Variants in PHC3 observed in about 807,000 individuals in gnomAD.
PHC3 encodes the protein polyhomeotic-like protein 3.
Under a neutral mutation model 107.4 loss-of-function variants are expected in PHC3, and 13 were observed. The ratio of observed to expected loss-of-function variants is 0.12; its 90% CI spans 0.08 to 0.19. PHC3 has a LOEUF of 0.19. Ranked by LOEUF, PHC3 falls within the 10% of genes least tolerant of loss-of-function variation. PHC3 has a pLI of 1.00. For missense variants in PHC3, 992 were observed against 1,210.9 expected, an observed-to-expected ratio of 0.82 and a Z score of 2.68; for synonymous variants, 456 against 427.4, an observed-to-expected ratio of 1.07 and a Z score of -0.83.
intron 11 of PHC3, among the ~76,000 whole-genome samples, chr3:170,111,606 GTT>G (rs1030666134): frequency 6.6e-6 from 1 of 152,180 alleles, no homozygotes; most frequent in Non-Finnish European, 1.5e-5. Flanking sequence ...TCTAATGAAT[GTT>G]TGAAATTTTT....
chr3:170,149,028 A>C, intron 5 of PHC3, 58 bp downstream of exon 5: 1 of 1,498,838 alleles, frequency 6.7e-7, no homozygotes, highest in South Asian at 1.2e-5. Context: ...CAAATCAAGA[A>C]ACATTTTGAT....
In PHC3 at chr3:170,181,730, C is replaced by T. The variant is rs373713989; in HGVS notation, c.-15G>A. 1.2e-6 allele frequency: 2 copies of T among 1,612,410 alleles called. No homozygotes were observed. Among genetic ancestry groups the T allele is most frequent in the Non-Finnish European group, 1.7e-6 (2 of 1,179,778 alleles). Reference sequence around the variant, plus strand: ...GCTTCCGCCATCTTCTCTCCTCCATCACTAACATGGGCTGCGCATGCGCCC... The same window carrying T: ...GCTTCCGCCATCTTCTCTCCTCCATTACTAACATGGGCTGCGCATGCGCCC... On this transcript the variant is annotated 5_prime_UTR_variant, in exon 1 of 15. Coordinates refer to ENST00000495893, the MANE Select transcript of PHC3 (RefSeq NM_024947.4).
intron 7 of PHC3, among the ~76,000 whole-genome samples, chr3:170,132,465 T>C (rs994257658): frequency 6.6e-6 from 1 of 152,202 alleles, no homozygotes; most frequent in Non-Finnish European, 1.5e-5. Flanking sequence ...TATTTGTAGA[T>C]GGGGCCTCTA....
chr3:170,132,753 G>A (rs897959446), intron 7 of PHC3, among the ~76,000 whole-genome samples: 1 of 152,206 alleles, frequency 6.6e-6, no homozygotes, highest in Admixed American at 6.5e-5. Context: ...AGCTGGAGCA[G>A]ATTGATTAAT....
chr3:170,159,347 A>G (rs1328879162), intron 4 of PHC3, among the ~76,000 whole-genome samples: 2 of 152,152 alleles, frequency 1.3e-5, no homozygotes, highest in African/African-American at 4.8e-5. Flanking sequence ...GTTTGAAAGA[A>G]CAATGAGAAA....
intron 7 of PHC3, among the ~76,000 whole-genome samples, chr3:170,131,706 C>T (rs1036275114): frequency 2.0e-5 from 3 of 152,036 alleles, no homozygotes; most frequent in African/African-American, 4.8e-5. Context: ...TGGTAACACA[C>T]GCCTGTAATA....
At chr3:170,110,869 T>C (rs886472713) in intron 11 of PHC3, among the ~76,000 whole-genome samples, 41 of 152,222 alleles carry the variant, frequency 2.7e-4, no homozygotes, top group African/African-American at 9.2e-4. Flanking sequence ...ATAAATACTT[T>C]TTAGCCTAGA....
In PHC3 at chr3:170,181,631, C is replaced by T. The variant is rs971575460; in HGVS notation, c.14+71G>A. 9.9e-6 allele frequency: 16 copies of T among 1,609,152 alleles called. No individual in the cohort carries two copies. In the African/African-American group the frequency reaches 1.1e-4, roughly 11 times the overall value. On this transcript the variant is annotated intron_variant, in intron 1 of 14. Transcript: ENST00000495893. ...CCCGCAAAAGAGCCCTGAGCTTTCCCCTGGGGGAACGTGTCGCTGCCCCAA... is the reference window on the plus strand; with the variant it reads ...CCCGCAAAAGAGCCCTGAGCTTTCCTCTGGGGGAACGTGTCGCTGCCCCAA...
rs1365335843 is a variant in PHC3 at position 170,090,106 on chromosome 3, AATGTT to A, written c.*7119_*7123del. On this transcript the variant is annotated 3_prime_UTR_variant, in exon 15 of 15. Transcript: ENST00000495893. ...GGGCTGTCTCAACCTGTAAGTCCTT[AATGTT>A]AAGTCTCCTAAATTTTGTAACTTAA... is the stretch of plus-strand genomic sequence containing the variant. The A allele has an allele frequency of 6.6e-6, 1 of 151,700 alleles. No homozygotes were observed. The highest frequency in any genetic ancestry group is 1.5e-5 in the Non-Finnish European group (1 of 67,996). 9.4% of individuals were successfully genotyped at this position (151,700 alleles called of 1,614,324 possible). A position where few individuals can be genotyped will look rare whatever the true frequency, so the allele number is the denominator to read the frequency against.
chr3:170,117,508 T>C, intron 9 of PHC3, 32 bp from the exon 10 acceptor site: 1 of 1,577,264 alleles, frequency 6.3e-7, no homozygotes, highest in Non-Finnish European at 8.6e-7. Context: ...CATTTAAAAA[T>C]TTTTTTAGCA....
intron 1 of PHC3, among the ~76,000 whole-genome samples, chr3:170,181,112 C>T (rs1356892646): frequency 6.6e-6 from 1 of 152,204 alleles, no homozygotes; most frequent in East Asian, 1.9e-4. Flanking sequence ...AGGGAAAGAC[C>T]TTTCTTTCAG....
At chr3:170,181,514 C>A (rs551839727) in intron 1 of PHC3, among the ~76,000 whole-genome samples, 188 bp downstream of exon 1, 3 of 152,174 alleles carry the variant, frequency 2.0e-5, no homozygotes, top group Admixed American at 2.0e-4. Flanking sequence ...TGGAGGGTAA[C>A]TGGACCCTAG....
chr3:170,120,375 C>G (rs1288732663), intron 9 of PHC3, among the ~76,000 whole-genome samples: 1 of 152,034 alleles, frequency 6.6e-6, no homozygotes, highest in Non-Finnish European at 1.5e-5. Flanking sequence ...CACCTGAGGT[C>G]AAGAGTTCGA....
Position 170,172,735 on chromosome 3 carries a change from A to C in PHC3, c.181-23T>G, listed in dbSNP as rs201047539. The C allele has an allele frequency of 2.1e-4, 326 of 1,569,292 alleles. No individual in the cohort carries two copies. The African/African-American group carries it at 3.9e-3, about 19-fold the overall frequency. On this transcript the variant is annotated intron_variant, in intron 2 of 14. Transcript: ENST00000495893. ...TACCTGTGATAAGTCAATTGAACCA[A>C]TGTCAAACCATAATCTCAACCTTTA...
At position 170,116,193 on chromosome 3, in the gene PHC3, T is replaced by C. The variant is rs1718933907; in HGVS notation, c.2193+1033A>G. Among the ~76,000 whole-genome samples, 3 of 152,200 alleles carry C rather than the reference T, an allele frequency of 2.0e-5. No individual in the cohort carries two copies. The South Asian group carries it at 6.2e-4, about 32-fold the overall frequency. ...AAAAATATGATTGAAGGCTGAAATTTAGGAATGAGAAAATATATTTGCTAA... is the reference window on the plus strand; with the variant it reads ...AAAAATATGATTGAAGGCTGAAATTCAGGAATGAGAAAATATATTTGCTAA... On this transcript the variant is annotated intron_variant, in intron 10 of 14. Transcript: ENST00000495893.
At chr3:170,116,409 A>G (rs1021996010) in intron 10 of PHC3, among the ~76,000 whole-genome samples, 26 of 152,178 alleles carry the variant, frequency 1.7e-4, no homozygotes, top group African/African-American at 5.3e-4. Context: ...GGTACTAAAA[A>G]TACAAAAATT....
chr3:170,161,955 G>A (rs1727962389), intron 4 of PHC3, among the ~76,000 whole-genome samples: 1 of 152,140 alleles, frequency 6.6e-6, no homozygotes, highest in African/African-American at 2.4e-5. Flanking sequence ...TATGAATATG[G>A]GGGACATAAT....
chr3:170,149,268 C>A (rs1725508196), intron 4 of PHC3, 24 bp from the exon 5 acceptor site: 2 of 1,574,674 alleles, frequency 1.3e-6, no homozygotes, highest in South Asian at 2.3e-5. Context: ...CATATTAGGT[C>A]ATAGGCTTCC....
intron 8 of PHC3, 139 bp downstream of exon 8, chr3:170,128,545 T>C: frequency 8.2e-7 from 1 of 1,224,866 alleles, no homozygotes; most frequent in African/African-American, 1.5e-5. Flanking sequence ...TACAGCATGT[T>C]TGTCAGAATA....
Sources: gnomAD v4.1 joint callset for allele counts (sites outside exome capture counted in the v4.1 genomes callset) on GRCh38, gnomAD v4.1.1 for gene constraint, MANE v1.5 for transcripts, NCBI Gene and HGNC (gene_info 2026-07-23, HGNC 2026-07-21) for gene names.